ABCD3: variants seen among roughly 807,000 people sequenced by gnomAD.
ABCD3 encodes ATP binding cassette subfamily D member 3, also known as ATP-binding cassette sub-family D member 3.
In ABCD3, 41 loss-of-function variants were observed where a neutral mutation model predicts 105.5. The ratio of observed to expected loss-of-function variants is 0.39; its 90% confidence interval spans 0.30 to 0.50. The LOEUF (loss-of-function observed/expected upper bound fraction) is 0.50, where lower values mean the gene tolerates loss of function less well. Among genes scored for constraint, ABCD3 ranks in the 20% least tolerant of loss-of-function variants. ABCD3 has a pLI of 0.84. For synonymous variants in ABCD3, 258 were observed against 269.0 expected, an observed-to-expected ratio of 0.96 and a Z score of 0.40; for missense variants, 622 against 806.3, an observed-to-expected ratio of 0.77 and a Z score of 2.77.
intron 20 of ABCD3, among the ~76,000 whole-genome samples, chr1:94,500,585 C>T (rs1650046761): frequency 6.6e-6 from 1 of 152,144 alleles, no homozygotes; most frequent in Non-Finnish European, 1.5e-5. Flanking sequence ...TCTCCCCCTG[C>T]AGAGTATGGA....
rs1469663701 is a variant in ABCD3, at chr1:94,467,989, A to G, written c.317A>G (p.Asn106Ser). ...TATTGTGATGTTTGGATGATTCAAA[A>G]TGGGACACTAATTGAAAGGTACTTT... is the stretch of plus-strand genomic sequence containing the variant. ...RTYCDVWMIQ[N>S]GTLIESGIIG... The change falls in exon 4 of 23, where the codon AAT becomes AGT. Residue 106 changes from asparagine to serine, a missense_variant. Physicochemically the swap from Asn to Ser is conservative, Grantham distance 46. Around this residue, in one of 4 missense-constraint regions of ABCD3, gnomAD observed 245 missense variants for 356.4 expected, o/e 0.69. Coordinates refer to ENST00000370214, the MANE Select transcript of ABCD3 (RefSeq NM_002858.4). 6.2e-7 allele frequency: 1 copy of G among 1,612,714 alleles called. No homozygotes were observed. Among genetic ancestry groups the G allele is most frequent in the African/African-American group, 1.3e-5 (1 of 74,890 alleles).
chr1:94,499,428 A>G (rs1649985221), intron 19 of ABCD3, 67 bp from the exon 20 acceptor site: 2 of 1,493,946 alleles, frequency 1.3e-6, no homozygotes, highest in Admixed American at 1.7e-5. Flanking sequence ...AGTTTAAAAA[A>G]TAAACCACTA....
At chr1:94,407,312 G>A in the ABCD3 span, among the ~76,000 whole-genome samples, 1 of 151,834 alleles carries the variant, frequency 6.6e-6, no homozygotes, top group African/African-American at 2.4e-5. Flanking sequence ...CACCATGCCC[G>A]GCTAATTTTG....
chr1:94,394,768 A>G, the ABCD3 span, among the ~76,000 whole-genome samples: 1 of 152,148 alleles, frequency 6.6e-6, no homozygotes, highest in Non-Finnish European at 1.5e-5. Context: ...AAGAGACCTA[A>G]AGTGTTGTGC....
intron 1 of ABCD3, among the ~76,000 whole-genome samples, chr1:94,446,931 T>C (rs1400643128): frequency 2.0e-5 from 3 of 152,238 alleles, no homozygotes; most frequent in Non-Finnish European, 2.9e-5. Flanking sequence ...GCAAAAGTTC[T>C]AATTCCAGAG....
chr1:94,516,810 A>G (rs1367934601), intron 22 of ABCD3, among the ~76,000 whole-genome samples: 1 of 151,898 alleles, frequency 6.6e-6, no homozygotes, highest in Non-Finnish European at 1.5e-5. Context: ...CAAGCTGATT[A>G]GGAAATCAGG....
intron 16 of ABCD3, among the ~76,000 whole-genome samples, chr1:94,495,346 G>A (rs1323899576): frequency 6.6e-6 from 1 of 152,080 alleles, no homozygotes; most frequent in African/African-American, 2.4e-5. Flanking sequence ...AGCATTCTGA[G>A]AGCCCCAATA....
chr1:94,449,699 A>G (rs774508272), intron 1 of ABCD3, among the ~76,000 whole-genome samples: 24 of 152,218 alleles, frequency 1.6e-4, no homozygotes, highest in Non-Finnish European at 2.5e-4. Context: ...AGTGATTTCT[A>G]TGGAATCATT....
At position 94,473,817 on chromosome 1, in the gene ABCD3, C is replaced by T. The variant is rs567913530; in HGVS notation, c.387C>T (p.Phe129=). Residue 129 remains phenylalanine, a synonymous_variant, in exon 5 of 23, where the codon TTC becomes TTT. Coordinates refer to ENST00000370214, the MANE Select transcript of ABCD3 (RefSeq NM_002858.4). ...RKDFKRYLLN[F]IAAMPLISLV... ...ATTTCAAGAGATACTTACTCAACTTCATCGCTGCCATGCCTCTTGTAAGTT... is the reference window on the plus strand; with the variant it reads ...ATTTCAAGAGATACTTACTCAACTTTATCGCTGCCATGCCTCTTGTAAGTT... 2 of 1,612,518 alleles carry T rather than the reference C, an allele frequency of 1.2e-6. No individual in the cohort carries two copies. The highest frequency in any genetic ancestry group is 1.7e-5 in the Admixed American group (1 of 59,874).
chr1:94,391,184 A>C, the ABCD3 span, among the ~76,000 whole-genome samples: 1 of 152,172 alleles, frequency 6.6e-6, no homozygotes, highest in African/African-American at 2.4e-5. Flanking sequence ...GTGGGTGAGG[A>C]AAATCTGTTT....
chr1:94,480,074 T>A, intron 8 of ABCD3: 1 of 240,552 alleles, frequency 4.2e-6, no homozygotes, highest in Non-Finnish European at 8.1e-6. Context: ...AAGGAAGGAG[T>A]TTGAGGGAAT....
chr1:94,444,311 G>T (rs1030563729), intron 1 of ABCD3, among the ~76,000 whole-genome samples: 1 of 146,644 alleles, frequency 6.8e-6, no homozygotes, highest in African/African-American at 2.5e-5. Context: ...TAGCCGGGGG[G>T]GCAGAGCGAG....
chr1:94,468,068 C>A, intron 4 of ABCD3, 61 bp downstream of exon 4: 2 of 1,181,244 alleles, frequency 1.7e-6, no homozygotes, highest in Non-Finnish European at 1.3e-6. Flanking sequence ...CATATTTATG[C>A]ATTATCTTTA....
chr1:94,473,338 G>T (rs1314697016), intron 4 of ABCD3, among the ~76,000 whole-genome samples: 1 of 152,074 alleles, frequency 6.6e-6, no homozygotes, highest in Non-Finnish European at 1.5e-5. Flanking sequence ...CATTAAGTCT[G>T]TCTCCCTGCC....
rs566949924 is a variant in ABCD3, at chr1:94,486,246, C to G, written c.898-1296C>G. 1.1e-4 allele frequency among the ~76,000 whole-genome samples: 16 copies of G among 152,076 alleles called. 1 individual carries two copies. The highest frequency in any genetic ancestry group is 3.3e-4 in the Admixed American group (5 of 15,262). The stretch of plus-strand genomic sequence containing the variant: ...TACTCAGGTATATGCAAATACTATG[C>G]CATTTTTCATCAGGGACTTGAGCAT... On this transcript the variant is annotated intron_variant, in intron 10 of 22. Coordinates refer to ENST00000370214, the MANE Select transcript of ABCD3 (RefSeq NM_002858.4).
intron 20 of ABCD3, 34 bp downstream of exon 20, chr1:94,499,648 C>A: frequency 1.9e-6 from 3 of 1,611,550 alleles, no homozygotes; most frequent in Non-Finnish European, 2.5e-6. Context: ...CACAAGAATG[C>A]AACTGGTTCC....
chr1:94,496,888 C>T lies in ABCD3; in HGVS notation c.1387-1714C>T, dbSNP rs529732345. On this transcript the variant is annotated intron_variant, in intron 16 of 22. Transcript: ENST00000370214. ...GTTCAAGCAATTCTCATGCCTCAGC[C>T]TCCTGAGTAGCTGGGATTACAGGTG... Among the ~76,000 whole-genome samples, 4 of 151,572 alleles carry T rather than the reference C, an allele frequency of 2.6e-5. No individual in the cohort carries two copies. In the East Asian group the frequency reaches 7.8e-4, roughly 29 times the overall value.
chr1:94,445,304 C>T (rs140593670), intron 1 of ABCD3, among the ~76,000 whole-genome samples: 409 of 152,218 alleles, frequency 2.7e-3, no homozygotes, highest in African/African-American at 9.4e-3. Context: ...TGGCAAGTGG[C>T]GCCCATACAT....
At chr1:94,451,123 A>G (rs1344304159) in intron 1 of ABCD3, among the ~76,000 whole-genome samples, 1 of 152,184 alleles carries the variant, frequency 6.6e-6, no homozygotes, top group East Asian at 1.9e-4. Flanking sequence ...TCTTCTTGGT[A>G]GGTATCTACT....
Sources: gnomAD v4.1 joint callset for allele counts (sites outside exome capture counted in the v4.1 genomes callset) on GRCh38, gnomAD v4.1.1 for gene constraint, gnomAD v4.1.1 regional missense constraint, MANE v1.5 for transcripts, NCBI Gene and HGNC (gene_info 2026-07-23, HGNC 2026-07-21) for gene names.